The following LOC400499 variants were observed in gnomAD, a reference collection of about 807,000 sequenced individuals.
the LOC400499 span, chr16:11,372,656 A>G: frequency 2.7e-6 from 2 of 731,262 alleles, no homozygotes; most frequent in Non-Finnish European, 3.3e-6. Flanking sequence ...GAATCTTGTC[A>G]TTGTCAGGGA....
At chr16:11,482,724 C>G in the LOC400499 span, among the ~76,000 whole-genome samples, 1 of 151,716 alleles carries the variant, frequency 6.6e-6, no homozygotes, top group Non-Finnish European at 1.5e-5. Flanking sequence ...GACCCCATCT[C>G]AACAAAAAGA....
At chr16:11,486,075 G>A in the LOC400499 span, among the ~76,000 whole-genome samples, 1 of 151,474 alleles carries the variant, frequency 6.6e-6, no homozygotes, top group Non-Finnish European at 1.5e-5. Context: ...TGGATGGATG[G>A]ATGTATGGAT....
the LOC400499 span, among the ~76,000 whole-genome samples, chr16:11,516,738 T>C: frequency 1.3e-5 from 2 of 152,122 alleles, no homozygotes; most frequent in Non-Finnish European, 2.9e-5. Flanking sequence ...CTCAACCTTA[T>C]AGGCTTAAAC....
At chr16:11,498,969 A>G in the LOC400499 span, among the ~76,000 whole-genome samples, 1 of 143,890 alleles carries the variant, frequency 6.9e-6, no homozygotes, top group Non-Finnish European at 1.5e-5. Flanking sequence ...TGGGGCTGGG[A>G]TCTGAAATGA....
the LOC400499 span, among the ~76,000 whole-genome samples, chr16:11,436,303 C>G: frequency 6.6e-6 from 1 of 151,880 alleles, no homozygotes; most frequent in African/African-American, 2.4e-5. Flanking sequence ...CCACGGGAAC[C>G]AGAGGACCCA....
At chr16:11,420,986 G>C in the LOC400499 span, among the ~76,000 whole-genome samples, 1 of 152,184 alleles carries the variant, frequency 6.6e-6, no homozygotes, top group Non-Finnish European at 1.5e-5. Flanking sequence ...GACTTGTCCT[G>C]AGTTTCAGGG....
the LOC400499 span, among the ~76,000 whole-genome samples, chr16:11,412,405 G>A: frequency 4.6e-5 from 7 of 152,206 alleles, no homozygotes; most frequent in African/African-American, 1.7e-4. Flanking sequence ...TCCCTGGGGG[G>A]AAACTCGCCC....
At chr16:11,401,533 C>T in the LOC400499 span, 3 of 398,372 alleles carry the variant, frequency 7.5e-6, no homozygotes, top group Admixed American at 1.3e-4. Flanking sequence ...CAGCACAAAA[C>T]CCCATCCCTG....
the LOC400499 span, among the ~76,000 whole-genome samples, chr16:11,417,241 T>G: frequency 1.3e-5 from 2 of 152,172 alleles, no homozygotes; most frequent in Non-Finnish European, 2.9e-5. Flanking sequence ...ATTGTTTTTA[T>G]TTTGAGACAG....
chr16:11,424,408 C>T, the LOC400499 span: 20 of 398,974 alleles, frequency 5.0e-5, no homozygotes, highest in Non-Finnish European at 6.6e-5. Context: ...CCCAGTCCAC[C>T]GCATTTAGTC....
chr16:11,466,692 C>G, the LOC400499 span, among the ~76,000 whole-genome samples: 1 of 151,928 alleles, frequency 6.6e-6, no homozygotes, highest in Non-Finnish European at 1.5e-5. Flanking sequence ...CCTGGCCTCA[C>G]TGAGATTTCT....
the LOC400499 span, among the ~76,000 whole-genome samples, chr16:11,500,017 T>G: frequency 6.6e-6 from 1 of 152,158 alleles, no homozygotes; most frequent in African/African-American, 2.4e-5. Context: ...CCTCCACATA[T>G]CGTAGAAATT....
the LOC400499 span, among the ~76,000 whole-genome samples, chr16:11,489,074 C>T: frequency 1.3e-5 from 2 of 152,176 alleles, no homozygotes; most frequent in Admixed American, 1.3e-4. Flanking sequence ...GAAATCCAGC[C>T]CGTGTATGGA....
chr16:11,441,674 G>C, the LOC400499 span, among the ~76,000 whole-genome samples: 1 of 152,206 alleles, frequency 6.6e-6, no homozygotes, highest in African/African-American at 2.4e-5. Flanking sequence ...GGTCCTATGA[G>C]ACGGAGGCAG....
the LOC400499 span, among the ~76,000 whole-genome samples, chr16:11,480,382 C>A: frequency 6.6e-6 from 1 of 152,200 alleles, no homozygotes; most frequent in Non-Finnish European, 1.5e-5. Flanking sequence ...TGTTCCCAAG[C>A]CCCGGGTTCA....
chr16:11,459,963 C>T, the LOC400499 span: 20 of 1,513,928 alleles, frequency 1.3e-5, no homozygotes, highest in Non-Finnish European at 1.7e-5. Context: ...ACGGAGATGC[C>T]TCTTGTTGCT....
the LOC400499 span, chr16:11,515,895 AGCCCAGCCCAGCCCAGCC>A: frequency 4.1e-5 from 4 of 97,270 alleles, no homozygotes; most frequent in Non-Finnish European, 5.2e-5. Flanking sequence ...AGCCCAGCCT[AGCCCAGCCCAGCCCAGCC>A]TAGCCCAGCA....
At chr16:11,397,996 A>T in the LOC400499 span, among the ~76,000 whole-genome samples, 1 of 152,108 alleles carries the variant, frequency 6.6e-6, no homozygotes, top group Non-Finnish European at 1.5e-5. Context: ...AGGAGGGGAA[A>T]GGGGTTGAGG....
At chr16:11,421,291 T>G in the LOC400499 span, among the ~76,000 whole-genome samples, 2 of 152,178 alleles carry the variant, frequency 1.3e-5, no homozygotes, top group Middle Eastern at 3.2e-3. Flanking sequence ...CTCCCTGGAC[T>G]TTCCCCCCAG....
Sources: gnomAD v4.1 joint callset for allele counts (sites outside exome capture counted in the v4.1 genomes callset) on GRCh38, gnomAD v4.1.1 for gene constraint, MANE v1.5 for transcripts.